The following GAB4 variants were observed in gnomAD, a reference collection of about 807,000 sequenced individuals.
GAB4 encodes GRB2 associated binding protein family member 4.
In GAB4, 26 loss-of-function variants were observed where a neutral mutation model predicts 51.3. The ratio of observed to expected loss-of-function variants is 0.51; its 90% CI spans 0.37 to 0.70. The LOEUF is 0.70. Ranked by LOEUF, GAB4 falls within the 30% of genes least tolerant of loss-of-function variation. GAB4 has a pLI of 0.00. For missense variants in GAB4, 759 were observed against 734.6 expected, an observed-to-expected ratio of 1.03 and a Z score of -0.38; for synonymous variants, 329 against 291.2, an observed-to-expected ratio of 1.13 and a Z score of -1.32.
intron 3 of GAB4, among the ~76,000 whole-genome samples, chr22:16,983,649 C>A (rs1199939315): frequency 1.3e-5 from 2 of 152,146 alleles, no homozygotes; most frequent in Non-Finnish European, 2.9e-5. Flanking sequence ...TAAATTCATG[C>A]ATTTACAGTC....
intron 1 of GAB4, among the ~76,000 whole-genome samples, chr22:17,005,066 T>C (rs1469016579): frequency 6.6e-6 from 1 of 152,230 alleles, no homozygotes; most frequent in Non-Finnish European, 1.5e-5. Flanking sequence ...AAATTGTCTC[T>C]GTTTGCAGAT....
chr22:16,978,159 G>A (rs1214609824), intron 3 of GAB4, among the ~76,000 whole-genome samples: 3 of 152,040 alleles, frequency 2.0e-5, no homozygotes, highest in Non-Finnish European at 4.4e-5. Context: ...AAAGCTAGCA[G>A]AAGACAAAAA....
At chr22:16,963,182 C>T (rs2123631740) in intron 9 of GAB4, among the ~76,000 whole-genome samples, 1 of 152,276 alleles carries the variant, frequency 6.6e-6, no homozygotes, top group South Asian at 2.1e-4. Context: ...AGGAAATTTC[C>T]CAGGTGTCAA....
At chr22:16,998,045 G>A (rs1195396365) in intron 1 of GAB4, among the ~76,000 whole-genome samples, 2 of 152,204 alleles carry the variant, frequency 1.3e-5, no homozygotes, top group Non-Finnish European at 2.9e-5. Context: ...TTTGTTTACT[G>A]TAGCCTTGTA....
rs756537092 is a variant in GAB4 at position 16,988,059 on chromosome 22, G to C, written c.587C>G (p.Pro196Arg). The C allele has an allele frequency of 1.2e-5, 20 of 1,607,956 alleles. No homozygotes were observed. The highest frequency in any genetic ancestry group is 2.2e-5 in the East Asian group (1 of 44,846). The change falls in exon 3 of 10, where the codon CCC becomes CGC. Residue 196 changes from proline to arginine, a missense_variant. By Grantham distance (103) the Pro-to-Arg change is moderately radical. This residue lies in a region of GAB4 where 588 missense variants were observed against 510.2 expected (regional missense o/e 1.15). Transcript: ENST00000400588. ...LPQEQEPTSEPPVSHCVPPTW... is the reference protein window; with the variant it reads ...LPQEQEPTSERPVSHCVPPTW... ...GGGCGGCACACAGTGAGACACCGGGGGCTCAGATGTGGGTTCTTGTTCTTG... is the reference window on the plus strand; with the variant it reads ...GGGCGGCACACAGTGAGACACCGGGCGCTCAGATGTGGGTTCTTGTTCTTG...
At chr22:16,996,613 T>C (rs2060951147) in intron 1 of GAB4, among the ~76,000 whole-genome samples, 1 of 152,160 alleles carries the variant, frequency 6.6e-6, no homozygotes. Flanking sequence ...CAGATCTCTC[T>C]GCAGAAACCT....
rs368940293 is a variant in GAB4 at position 16,975,998 on chromosome 22, AC to A, written c.687-5806del. 1.2e-4 allele frequency among the ~76,000 whole-genome samples: 19 copies of A among 152,280 alleles called. No homozygotes were observed. The East Asian group carries it at 1.5e-3, about 12-fold the overall frequency. On this transcript the variant is annotated intron_variant, in intron 3 of 9. Coordinates refer to ENST00000400588, the MANE Select transcript of GAB4 (RefSeq NM_001037814.1). ...ATAGCATCAACAACAACAAAAAAAA[AC>A]ATCCACACAAAAACCCTATCCGAAG...
At chr22:17,004,250 C>G (rs2061021225) in intron 1 of GAB4, among the ~76,000 whole-genome samples, 1 of 152,172 alleles carries the variant, frequency 6.6e-6, no homozygotes, top group Non-Finnish European at 1.5e-5. Flanking sequence ...ACCAGAGGTA[C>G]AAAAACGAGC....
At chr22:16,974,579 T>C (rs895041249) in intron 3 of GAB4, among the ~76,000 whole-genome samples, 5 of 152,190 alleles carry the variant, frequency 3.3e-5, no homozygotes, top group African/African-American at 1.2e-4. Context: ...CTCCTGCATA[T>C]TCTTTGGTGT....
At chr22:17,004,973 T>A (rs2061028406) in intron 1 of GAB4, among the ~76,000 whole-genome samples, 1 of 152,134 alleles carries the variant, frequency 6.6e-6, no homozygotes, top group East Asian at 1.9e-4. Context: ...CCACTCCTAT[T>A]CAACATAGTA....
chr22:16,963,438 G>A (rs1009726029), intron 9 of GAB4, among the ~76,000 whole-genome samples: 2 of 152,294 alleles, frequency 1.3e-5, no homozygotes, highest in South Asian at 2.1e-4. Context: ...CCAGGTTGCC[G>A]GTCCTGGGTC....
At chr22:16,983,476 C>G (rs747770716) in intron 3 of GAB4, among the ~76,000 whole-genome samples, 5 of 152,120 alleles carry the variant, frequency 3.3e-5, no homozygotes, top group Non-Finnish European at 5.9e-5. Context: ...TGAAACCACA[C>G]TAGGATCAGA....
At chr22:17,001,911 A>G (rs1488998721) in intron 1 of GAB4, among the ~76,000 whole-genome samples, 1 of 152,064 alleles carries the variant, frequency 6.6e-6, no homozygotes, top group Non-Finnish European at 1.5e-5. Context: ...TTGATCTCAG[A>G]CTGCTGTGCT....
intron 3 of GAB4, among the ~76,000 whole-genome samples, chr22:16,979,843 T>G (rs1005280131): frequency 6.6e-6 from 1 of 152,008 alleles, no homozygotes; most frequent in Non-Finnish European, 1.5e-5. Flanking sequence ...AACAGAGACC[T>G]CAGAAATCAC....
chr22:16,987,980 G>A lies in GAB4; in HGVS notation c.666C>T (p.Ser222=). The A allele has an allele frequency of 6.2e-7, 1 of 1,604,874 alleles. No homozygotes were observed. Among genetic ancestry groups the A allele is most frequent in the Non-Finnish European group, 8.5e-7 (1 of 1,176,816 alleles). Residue 222 remains serine (S), a synonymous_variant, in exon 3 of 10, where the codon AGC becomes AGT. Transcript: ENST00000400588. ...PGCLRSHQHA[S]QRAEHARSAS... is the part of the protein sequence containing the mutation. ...CCTACCTTGCATGTTCTGCTCTCTG[G>A]CTGGCGTGCTGGTGCGAGCGGAGAC... is the stretch of plus-strand genomic sequence containing the variant.
At chr22:17,007,766 A>G (rs1480086921) in intron 1 of GAB4, among the ~76,000 whole-genome samples, 175 bp downstream of exon 1, 1 of 152,094 alleles carries the variant, frequency 6.6e-6, no homozygotes, top group East Asian at 1.9e-4. Flanking sequence ...AACGCAACCC[A>G]CACAAACCTG....
chr22:16,970,663 G>T (rs1206394264), intron 3 of GAB4, among the ~76,000 whole-genome samples: 2 of 152,140 alleles, frequency 1.3e-5, no homozygotes, highest in Non-Finnish European at 2.9e-5. Context: ...GAAGTGGGTG[G>T]CAGGAAGCAG....
intron 5 of GAB4, chr22:16,967,216 G>T (rs1457962320): frequency 6.6e-6 from 1 of 152,454 alleles, no homozygotes; most frequent in African/African-American, 2.4e-5. Flanking sequence ...CCATGCAGGT[G>T]TGGCTCAGCA....
chr22:16,979,381 C>A (rs2060808287), intron 3 of GAB4, among the ~76,000 whole-genome samples: 2 of 150,652 alleles, frequency 1.3e-5, no homozygotes, highest in Non-Finnish European at 3.0e-5. Flanking sequence ...TCCTATAAAC[C>A]AGTAATAGCC....
Sources: allele counts gnomAD v4.1 joint callset (sites outside exome capture counted in the v4.1 genomes callset), GRCh38; gene constraint gnomAD v4.1.1; regional missense constraint gnomAD v4.1.1; transcripts MANE v1.5; gene names NCBI Gene and HGNC (gene_info 2026-07-23, HGNC 2026-07-21).